Variants in AMPD3 observed in about 807,000 individuals in gnomAD.
AMPD3 encodes the protein AMP deaminase 3.
A neutral mutation model predicts 82.3 loss-of-function variants in AMPD3; 57 were observed. The observed-to-expected ratio is 0.69, with a 90% CI of 0.56 to 0.86. The LOEUF is 0.86. AMPD3 is among the 40% of genes least tolerant of loss of function. The pLI, the probability that AMPD3 is intolerant of heterozygous loss-of-function variation, is 0.00. For synonymous variants in AMPD3, 381 were observed against 394.7 expected (o/e 0.97, Z 0.41); for missense variants, 870 against 1,003.8 (o/e 0.87, Z 1.80).
At chr11:10,497,588 G>GC (rs1223511163) in intron 10 of AMPD3, 10 of 985,314 alleles carry the variant, frequency 1.0e-5, no homozygotes, top group Non-Finnish European at 1.2e-5. Flanking sequence ...GAGCCCGAGG[G>GC]CTGGGGCACG....
chr11:10,479,102 T>C (rs1241677403), intron 3 of AMPD3, among the ~76,000 whole-genome samples: 1 of 152,156 alleles, frequency 6.6e-6, no homozygotes, highest in Admixed American at 6.5e-5. Flanking sequence ...GCCATGGTAC[T>C]GAGTGGTTTG....
chr11:10,501,435 G>A (rs758654210), intron 11 of AMPD3, 35 bp from the exon 12 acceptor site: 1 of 1,610,146 alleles, frequency 6.2e-7, no homozygotes, highest in Non-Finnish European at 8.5e-7. Flanking sequence ...CAACTGGGGG[G>A]GGCCTTCCTG....
upstream of AMPD3, among the ~76,000 whole-genome samples, chr11:10,454,309 G>A (rs75913860): frequency 0.11 from 16,934 of 152,190 alleles, 966 homozygotes; most frequent in Non-Finnish European, 0.12. Context: ...GTCTGAACCC[G>A]ATGCAATGGG....
chr11:10,496,426 G>T, intron 9 of AMPD3: 1 of 985,444 alleles, frequency 1.0e-6, no homozygotes, highest in Non-Finnish European at 1.2e-6. Context: ...GGCCAGGGTG[G>T]AGCCCATGGC....
chr11:10,503,553 AC>A (rs138603218), intron 13 of AMPD3, among the ~76,000 whole-genome samples: 2,646 of 152,226 alleles, frequency 0.017, 36 homozygotes, highest in Non-Finnish European at 0.029. Context: ...GCTTTCAAAG[AC>A]CTGTTGTTTA....
In AMPD3 at chr11:10,456,502, A is replaced by G; in HGVS notation, c.-6+1054A>G. The G allele has an allele frequency of 6.2e-7, 1 of 1,612,782 alleles. No homozygotes were observed. Among genetic ancestry groups the G allele is most frequent in the Non-Finnish European group, 8.5e-7 (1 of 1,179,222 alleles). On this transcript the variant is annotated intron_variant, in intron 1 of 14. Transcript: ENST00000396553. This position sits in a 1 kb window ranked among gnomAD's most constrained non-coding sequence, Gnocchi z 4.3. The stretch of plus-strand genomic sequence containing the variant: ...CAGTGGCACTGGGCTTCCTTTCTGG[A>G]GGGACTGTGGCACCATGAAAAGTTA...
At chr11:10,488,693 C>A (rs148784086) in intron 6 of AMPD3, among the ~76,000 whole-genome samples, 49 of 152,174 alleles carry the variant, frequency 3.2e-4, no homozygotes, top group African/African-American at 1.2e-3. Flanking sequence ...GGGGAAGAGT[C>A]GGGATCAGGC....
intron 10 of AMPD3, 56 bp downstream of exon 10, chr11:10,496,994 T>A: frequency 6.2e-7 from 1 of 1,600,442 alleles, no homozygotes; most frequent in Non-Finnish European, 8.6e-7. Flanking sequence ...AGGAATGGAT[T>A]CGCTGTGAGC....
At chr11:10,463,544 T>C (rs911785009) in intron 2 of AMPD3, among the ~76,000 whole-genome samples, 1 of 152,262 alleles carries the variant, frequency 6.6e-6, no homozygotes, top group Non-Finnish European at 1.5e-5. Flanking sequence ...CTGTGTGTTA[T>C]GAATTGAGCA....
chr11:10,480,844 G>T (rs541678939), intron 3 of AMPD3, among the ~76,000 whole-genome samples: 1 of 152,300 alleles, frequency 6.6e-6, no homozygotes, highest in Non-Finnish European at 1.5e-5. Flanking sequence ...GGCTATGCCA[G>T]CATATGGTGC....
chr11:10,469,546 C>T (rs1195207296), intron 2 of AMPD3, among the ~76,000 whole-genome samples: 1 of 152,186 alleles, frequency 6.6e-6, no homozygotes, highest in Non-Finnish European at 1.5e-5. Context: ...GACAGATTCA[C>T]AGCCAAATTC....
At chr11:10,497,613 T>A (rs78847505) in intron 10 of AMPD3, 2 of 985,188 alleles carry the variant, frequency 2.0e-6, no homozygotes, top group Non-Finnish European at 2.4e-6. Flanking sequence ...AAGAATTGAG[T>A]CTGTGTGCCC....
Position 10,484,954 on chromosome 11 carries a change from G to C in AMPD3, c.724G>C (p.Glu242Gln). Residue 242 changes from glutamate (E) to glutamine (Q), a missense_variant, in exon 5 of 15, where the codon GAG (glutamate) becomes CAG (glutamine). Physicochemically the swap from Glu to Gln is conservative, Grantham distance 29. Coordinates refer to ENST00000396553, the MANE Select transcript of AMPD3 (RefSeq NM_001025389.2). ...TAACAAGAAGATGCTGGAGCACCAG[G>C]AGCCGCACAGCCTACCCTACCCCGA... is the stretch of plus-strand genomic sequence containing the variant. ...YDNKKMLEHQ[E>Q]PHSLPYPDLE... 1 of 1,614,004 alleles carries C rather than the reference G, an allele frequency of 6.2e-7. No homozygotes were observed. The highest frequency in any genetic ancestry group is 8.5e-7 in the Non-Finnish European group (1 of 1,179,994).
Position 10,500,126 on chromosome 11 carries a change from G to A in AMPD3, c.1598G>A (p.Ser533Asn), listed in dbSNP as rs1283548234. The A allele has an allele frequency of 6.2e-7, 1 of 1,614,078 alleles. No individual in the cohort carries two copies. The highest frequency in any genetic ancestry group is 1.3e-5 in the African/African-American group (1 of 74,910). ...FDSVDDESKHSDHMFSDKSPN... is the reference protein window; with the variant it reads ...FDSVDDESKHNDHMFSDKSPN... ...AGCGTGGATGATGAGTCCAAGCACA[G>A]CGACCACATGTTTTCCGACAAGAGC... Residue 533 changes from serine to asparagine, a missense_variant, in exon 11 of 15, where the codon AGC becomes AAC. Transcript: ENST00000396553.
chr11:10,499,580 G>A, intron 10 of AMPD3: 1 of 871,198 alleles, frequency 1.1e-6, no homozygotes, highest in Non-Finnish European at 1.4e-6. Context: ...TGTAAAATGG[G>A]GCTGGCAGCC....
intron 3 of AMPD3, 70 bp downstream of exon 3, chr11:10,478,800 C>G: frequency 1.3e-6 from 2 of 1,517,054 alleles, no homozygotes; most frequent in Non-Finnish European, 1.8e-6. Flanking sequence ...GCCACAGGGT[C>G]GTGCCTCCCT....
At chr11:10,495,528 G>A in intron 8 of AMPD3, 42 bp from the exon 9 acceptor site, 1 of 1,612,068 alleles carries the variant, frequency 6.2e-7, no homozygotes, top group South Asian at 1.1e-5. Context: ...CTCCCATGTA[G>A]CTGGGATGCA....
intron 2 of AMPD3, among the ~76,000 whole-genome samples, chr11:10,464,981 T>C (rs1326087537): frequency 6.6e-6 from 1 of 152,176 alleles, no homozygotes; most frequent in African/African-American, 2.4e-5. Context: ...ACCTATTGGG[T>C]TCAAGTGGCA....
At chr11:10,453,328 G>A (rs1848007138), upstream of AMPD3, among the ~76,000 whole-genome samples, 1 of 152,200 alleles carries the variant, frequency 6.6e-6, no homozygotes, top group Admixed American at 6.5e-5. Context: ...TAAATAGCTA[G>A]TTCACTTGTT....
Sources: gnomAD v4.1 joint callset for allele counts (sites outside exome capture counted in the v4.1 genomes callset) on GRCh38, gnomAD v4.1.1 for gene constraint, Gnocchi (gnomAD v3.1) non-coding constraint, MANE v1.5 for transcripts, NCBI Gene and HGNC (gene_info 2026-07-23, HGNC 2026-07-21) for gene names.